The following GRID2 variants were observed in gnomAD, a reference collection of about 807,000 sequenced individuals.
The protein encoded by GRID2 is glutamate ionotropic receptor delta type subunit 2, also known as glutamate receptor ionotropic, delta-2.
In GRID2, 33 loss-of-function variants were observed where a neutral mutation model predicts 114.8. The observed-to-expected ratio is 0.29, with a 90% CI of 0.22 to 0.38. GRID2 has a LOEUF of 0.38. Ranked by LOEUF, GRID2 falls within the 10% of genes least tolerant of loss-of-function variation. The pLI, the probability that GRID2 is intolerant of heterozygous loss-of-function variation, is 1.00. For missense variants in GRID2, 1,184 were observed against 1,257.7 expected, an observed-to-expected ratio of 0.94 and a Z score of 0.89; for synonymous variants, 505 against 449.9, an observed-to-expected ratio of 1.12 and a Z score of -1.55.
intron 2 of GRID2, among the ~76,000 whole-genome samples, chr4:92,629,536 A>C (rs1409050998): frequency 6.6e-6 from 1 of 152,010 alleles, no homozygotes; most frequent in Non-Finnish European, 1.5e-5. Flanking sequence ...TGGAAAATGG[A>C]ATTGGATATA....
At position 93,260,023 on chromosome 4, in the gene GRID2, A is replaced by G. The variant is rs1196207649; in HGVS notation, c.1245+21533A>G. ...CATGGGAAGACTTAGGTAAATTAGT[A>G]TTTTACGTAGGAGGTATGTACAAAA... On this transcript the variant is annotated intron_variant, in intron 8 of 15. Transcript: ENST00000282020. Among the ~76,000 whole-genome samples the G allele has an allele frequency of 3.3e-5, 5 of 151,762 alleles. No individual in the cohort carries two copies. The East Asian group carries it at 7.7e-4, about 23-fold the overall frequency.
In GRID2 at chr4:93,324,464, C is replaced by T. The variant is rs543042215; in HGVS notation, c.1246-71143C>T. ...AGTATTTTATTGAGGATTTTCAAAT[C>T]GATGTTCATCAGGGATATTGGTCTA... is the stretch of plus-strand genomic sequence containing the variant. On this transcript the variant is annotated intron_variant, in intron 8 of 15. Transcript: ENST00000282020. 1.2e-4 allele frequency among the ~76,000 whole-genome samples: 18 copies of T among 152,184 alleles called. No individual in the cohort carries two copies. In the East Asian group the frequency reaches 3.3e-3, roughly 28 times the overall value.
chr4:92,516,143 C>T (rs747107395), intron 1 of GRID2, among the ~76,000 whole-genome samples: 11 of 151,948 alleles, frequency 7.2e-5, no homozygotes, highest in Non-Finnish European at 1.6e-4. Flanking sequence ...GAATGCTTAA[C>T]GTATGCTGCA....
chr4:93,623,092 C>T (rs748676717), intron 13 of GRID2, among the ~76,000 whole-genome samples: 18 of 152,134 alleles, frequency 1.2e-4, no homozygotes, highest in Admixed American at 7.2e-4. Flanking sequence ...TTTGATTTAT[C>T]GACTTTCTAA....
chr4:93,500,941 T>C (rs895394006), intron 12 of GRID2, among the ~76,000 whole-genome samples: 2 of 152,042 alleles, frequency 1.3e-5, no homozygotes, highest in Non-Finnish European at 2.9e-5. Context: ...ACTTCACATC[T>C]ACCTCACTTA....
chr4:92,941,834 GT>G (rs1333365491), intron 2 of GRID2, among the ~76,000 whole-genome samples: 3 of 152,140 alleles, frequency 2.0e-5, no homozygotes, highest in Non-Finnish European at 4.4e-5. Flanking sequence ...GTACCCAGTA[GT>G]CATTCAGGAG....
intron 9 of GRID2, among the ~76,000 whole-genome samples, chr4:93,402,175 A>C (rs1412054553): frequency 6.6e-6 from 1 of 152,042 alleles, no homozygotes; most frequent in Admixed American, 6.6e-5. Flanking sequence ...TCTATTTAAT[A>C]CACCTATGCT....
chr4:93,000,618 T>G (rs1163246087), intron 2 of GRID2, among the ~76,000 whole-genome samples: 1 of 151,688 alleles, frequency 6.6e-6, no homozygotes, highest in Non-Finnish European at 1.5e-5. Flanking sequence ...CTTGTAACTA[T>G]TTTATATATT....
intron 2 of GRID2, among the ~76,000 whole-genome samples, chr4:92,941,081 A>G (rs1020556374): frequency 6.6e-6 from 1 of 152,198 alleles, no homozygotes; most frequent in Non-Finnish European, 1.5e-5. Context: ...TGCTGGCCTC[A>G]TAAAATGAGT....
At chr4:93,454,653 GT>G (rs1183790382) in intron 10 of GRID2, among the ~76,000 whole-genome samples, 3 of 151,996 alleles carry the variant, frequency 2.0e-5, no homozygotes, top group African/African-American at 7.2e-5. Context: ...ATCCAAGTTG[GT>G]TTAGCATTCT....
intron 1 of GRID2, among the ~76,000 whole-genome samples, chr4:92,519,075 G>A (rs1226394679): frequency 6.6e-6 from 1 of 151,766 alleles, no homozygotes; most frequent in Non-Finnish European, 1.5e-5. Context: ...CTGGGGTGAG[G>A]AATAAGGGAA....
Position 93,081,643 on chromosome 4 carries a change from TTACGTA to T in GRID2, c.245-3349_245-3344del, listed in dbSNP as rs1246254963. Among the ~76,000 whole-genome samples, 3 of 152,288 alleles carry T rather than the reference TTACGTA, an allele frequency of 2.0e-5. No homozygotes were observed. The East Asian group carries it at 5.8e-4, about 29-fold the overall frequency. ...CAATATGATCTGTATGTATAGATGTTTACGTATATGTGCATATATAGTATAAATAAA... is the reference window on the plus strand; with the variant it reads ...CAATATGATCTGTATGTATAGATGTTTATGTGCATATATAGTATAAATAAA... On this transcript the variant is annotated intron_variant, in intron 2 of 15. Coordinates refer to ENST00000282020, the MANE Select transcript of GRID2 (RefSeq NM_001510.4).
intron 1 of GRID2, among the ~76,000 whole-genome samples, chr4:93,784,794 A>AATG (rs373198196): frequency 1.5e-4 from 23 of 152,128 alleles, no homozygotes; most frequent in African/African-American, 4.8e-4. Flanking sequence ...AAAGTGATAC[A>AATG]ATGTATTACA....
chr4:92,969,585 A>G (rs1753368362), intron 2 of GRID2, among the ~76,000 whole-genome samples: 1 of 151,814 alleles, frequency 6.6e-6, no homozygotes, highest in South Asian at 2.1e-4. Flanking sequence ...ATGGTTTTAC[A>G]TGCACTCAGT....
At chr4:93,179,469 G>T (rs879875559) in intron 4 of GRID2, among the ~76,000 whole-genome samples, 20 of 151,978 alleles carry the variant, frequency 1.3e-4, no homozygotes, top group Non-Finnish European at 4.4e-5. Context: ...AAAATTATTC[G>T]CATGATGTGG....
chr4:93,416,679 A>T (rs1767743259), intron 9 of GRID2, among the ~76,000 whole-genome samples: 1 of 152,086 alleles, frequency 6.6e-6, no homozygotes, highest in South Asian at 2.1e-4. Flanking sequence ...AACATATAGG[A>T]ATTAACGGCA....
chr4:93,465,944 C>T (rs1367586284), intron 11 of GRID2, among the ~76,000 whole-genome samples: 1 of 152,062 alleles, frequency 6.6e-6, no homozygotes, highest in Non-Finnish European at 1.5e-5. Context: ...GCCAGGAATA[C>T]AACAAATTAA....
At chr4:92,961,216 A>T (rs1266737814) in intron 2 of GRID2, among the ~76,000 whole-genome samples, 1 of 151,888 alleles carries the variant, frequency 6.6e-6, no homozygotes, top group Non-Finnish European at 1.5e-5. Flanking sequence ...TGTCCATTTG[A>T]TAAATTAAGA....
chr4:92,691,982 G>T (rs911734106), intron 2 of GRID2, among the ~76,000 whole-genome samples: 4 of 152,116 alleles, frequency 2.6e-5, no homozygotes, highest in Non-Finnish European at 5.9e-5. Flanking sequence ...GATGGGAAAA[G>T]AACTGTTGCT....
Sources: allele counts gnomAD v4.1 joint callset (sites outside exome capture counted in the v4.1 genomes callset), GRCh38; gene constraint gnomAD v4.1.1; transcripts MANE v1.5; gene names NCBI Gene and HGNC (gene_info 2026-07-23, HGNC 2026-07-21).